The following KYNU variants were observed in gnomAD, a reference collection of about 807,000 sequenced individuals.
KYNU encodes kynureninase.
A neutral mutation model predicts 59.2 loss-of-function variants in KYNU; 54 were observed. The ratio of observed to expected loss-of-function variants is 0.91; its 90% CI spans 0.73 to 1.14. The LOEUF is 1.14. KYNU is among the 50% of genes most tolerant of loss of function. The pLI is 0.00. For missense variants in KYNU, 567 were observed against 554.4 expected (o/e 1.02, Z -0.23); for synonymous variants, 177 against 192.0 (o/e 0.92, Z 0.65).
Position 142,927,731 on chromosome 2 carries a change from G to C in KYNU, c.363G>C (p.Lys121Asn). ...TGDESIVGLM[K>N]DIVGANEKEI... ...ATGAGAGTATTGTAGGCCTTATGAA[G>C]GACATTGTAGGTAAGTACAAAACAC... The change falls in exon 4 of 14, where the codon AAG (lysine) becomes AAC (asparagine). Residue 121 changes from lysine (K) to asparagine (N), a missense_variant. Transcript: ENST00000264170. 3 of 1,607,872 alleles carry C rather than the reference G, an allele frequency of 1.9e-6. No homozygotes were observed. Among genetic ancestry groups the C allele is most frequent in the Non-Finnish European group, 2.6e-6 (3 of 1,174,552 alleles).
intron 2 of KYNU, among the ~76,000 whole-genome samples, chr2:142,912,990 C>T (rs1682546782): frequency 6.6e-6 from 1 of 152,158 alleles, no homozygotes; most frequent in Non-Finnish European, 1.5e-5. Context: ...GGATTACAGG[C>T]TGGAGCCACC....
rs1687143546 is a variant in KYNU at position 143,044,980 on chromosome 2, T to C, written c.*2808T>C. On this transcript the variant is annotated 3_prime_UTR_variant, in exon 14 of 14. Coordinates refer to ENST00000264170, the MANE Select transcript of KYNU (RefSeq NM_003937.3). ...TTTGGCTTTAGGTCTTGCAGTTAAGTCTTTAATCTATCTTGAGTTAATTTT... is the reference window on the plus strand; with the variant it reads ...TTTGGCTTTAGGTCTTGCAGTTAAGCCTTTAATCTATCTTGAGTTAATTTT... The C allele has an allele frequency of 1.3e-5, 2 of 151,946 alleles. No homozygotes were observed. Among genetic ancestry groups the C allele is most frequent in the Admixed American group, 6.6e-5 (1 of 15,248 alleles). The allele number at this position is 151,946 out of a possible 1,614,324, so 9.4% of individuals were successfully genotyped here. A position where few individuals can be genotyped will look rare whatever the true frequency, so the allele number is the denominator to read the frequency against.
At chr2:142,977,123 T>C (rs558872298) in intron 8 of KYNU, among the ~76,000 whole-genome samples, 129 of 152,144 alleles carry the variant, frequency 8.5e-4, no homozygotes, top group African/African-American at 3.0e-3. Flanking sequence ...CATAATGAAG[T>C]ATGTCCATCC....
At chr2:142,964,366 A>G (rs1684460379) in intron 8 of KYNU, among the ~76,000 whole-genome samples, 1 of 152,136 alleles carries the variant, frequency 6.6e-6, no homozygotes, top group Non-Finnish European at 1.5e-5. Context: ...CTAATCAATA[A>G]TGCCAATCCT....
At chr2:142,900,912 G>A (rs1169352524) in intron 2 of KYNU, among the ~76,000 whole-genome samples, 1 of 152,164 alleles carries the variant, frequency 6.6e-6, no homozygotes, top group Non-Finnish European at 1.5e-5. Context: ...AGAACAATTT[G>A]TAGTTTTATA....
At chr2:142,970,966 C>CA (rs1295881915) in intron 8 of KYNU, among the ~76,000 whole-genome samples, 1 of 152,140 alleles carries the variant, frequency 6.6e-6, no homozygotes, top group East Asian at 1.9e-4. Context: ...TATTCCCAGT[C>CA]AACCATTACT....
intron 10 of KYNU, among the ~76,000 whole-genome samples, chr2:143,006,714 C>G (rs1558971564): frequency 6.6e-6 from 1 of 151,652 alleles, no homozygotes; most frequent in Admixed American, 6.6e-5. Flanking sequence ...GATCTGAGAA[C>G]TGGCAGACTG....
chr2:142,959,897 TA>T (rs1427840687), intron 7 of KYNU, among the ~76,000 whole-genome samples: 4 of 151,922 alleles, frequency 2.6e-5, no homozygotes, highest in African/African-American at 9.7e-5. Flanking sequence ...AAAAGATGTG[TA>T]AGTGTTATGT....
chr2:143,054,584 A>G lies in KYNU; in HGVS notation c.*12412A>G, dbSNP rs192302901. On this transcript the variant is annotated 3_prime_UTR_variant, in exon 14 of 14. Coordinates refer to ENST00000264170, the MANE Select transcript of KYNU (RefSeq NM_003937.3). Reference sequence around the variant, plus strand: ...GGAACAACATGTAATTATGTGCTCAATGTGATGAATATGAAGTAGACTGCA... The same window carrying G: ...GGAACAACATGTAATTATGTGCTCAGTGTGATGAATATGAAGTAGACTGCA... The G allele has an allele frequency of 1.3e-5, 2 of 152,346 alleles. No individual in the cohort carries two copies. The highest frequency in any genetic ancestry group is 4.8e-5 in the African/African-American group (2 of 41,572). The allele number at this position is 152,346 out of a possible 1,614,324, so 9.4% of individuals were successfully genotyped here.
Position 143,011,375 on chromosome 2 carries a change from A to G in KYNU, c.903-18252A>G, listed in dbSNP as rs1686092172. ...AAACCACAATGAGATACCATCTCAC[A>G]CCAGTTAGAATGGCGATCATTAAAA... On this transcript the variant is annotated intron_variant, in intron 10 of 13. Transcript: ENST00000264170. Among the ~76,000 whole-genome samples, 3 of 129,244 alleles carry G rather than the reference A, an allele frequency of 2.3e-5. No individual in the cohort carries two copies. The South Asian group carries it at 8.3e-4, about 36-fold the overall frequency. 84.8% of individuals were successfully genotyped at this position (129,244 alleles called of 152,430 possible). A position where few individuals can be genotyped will look rare whatever the true frequency, so the allele number is the denominator to read the frequency against.
intron 8 of KYNU, among the ~76,000 whole-genome samples, chr2:142,972,813 T>TATATATATATATATATAG (rs1478067181): frequency 8.1e-6 from 1 of 124,202 alleles, no homozygotes; most frequent in African/African-American, 3.1e-5. Flanking sequence ...TATATATATA[T>TATATATATATATATATAG]AGAGAGAGAG....
intron 2 of KYNU, among the ~76,000 whole-genome samples, chr2:142,905,035 T>C (rs911045825): frequency 1.3e-5 from 2 of 152,176 alleles, no homozygotes; most frequent in Non-Finnish European, 2.9e-5. Flanking sequence ...AAACAACAGT[T>C]CTTATGCAAA....
At position 142,956,219 on chromosome 2, in the gene KYNU, C is replaced by T; in HGVS notation, c.452C>T (p.Pro151Leu). The T allele has an allele frequency of 6.3e-7, 1 of 1,595,900 alleles. No homozygotes were observed. Among genetic ancestry groups the T allele is most frequent in the Non-Finnish European group, 8.6e-7 (1 of 1,164,332 alleles). ...LHLLMLSFFK[P>L]TPKRYKILLE... ...TTATTGCAGTTATCATTTTTTAAGC[C>T]TACGCCAAAACGATATAAAATTCTT... The change falls in exon 6 of 14, where the codon CCT becomes CTT. Residue 151 changes from proline (P) to leucine (L), a missense_variant. By Grantham distance (98) the Pro-to-Leu change is moderately conservative. Transcript: ENST00000264170.
intron 3 of KYNU, 63 bp from the exon 4 acceptor site, chr2:142,927,596 T>C (rs972601998): frequency 4.3e-6 from 5 of 1,174,006 alleles, no homozygotes; most frequent in Admixed American, 3.4e-5. Context: ...AAGCTGATAT[T>C]TGAAATAATC....
intron 4 of KYNU, among the ~76,000 whole-genome samples, chr2:142,951,149 C>G (rs1040605700): frequency 6.6e-6 from 1 of 152,152 alleles, no homozygotes; most frequent in Non-Finnish European, 1.5e-5. Flanking sequence ...CAAGAATTAT[C>G]AAAATGTGAT....
rs115723761 is a variant in KYNU, at chr2:143,026,523, C to G, written c.903-3104C>G. Among the ~76,000 whole-genome samples, 1,074 of 152,328 alleles carry G rather than the reference C, an allele frequency of 7.1e-3. 11 individuals carry two copies. Among genetic ancestry groups the G allele is most frequent in the African/African-American group, 0.025 (1,019 of 41,574 alleles). On this transcript the variant is annotated intron_variant, in intron 10 of 13. Transcript: ENST00000264170. Reference sequence around the variant, plus strand: ...AATGAGTGCTGGAATCGGCTGGCCACTTGGCGCTGGTAGGACCCAACCCCA... The same window carrying G: ...AATGAGTGCTGGAATCGGCTGGCCAGTTGGCGCTGGTAGGACCCAACCCCA...
intron 4 of KYNU, among the ~76,000 whole-genome samples, chr2:142,951,827 G>A (rs957543012): frequency 1.3e-5 from 2 of 152,228 alleles, no homozygotes; most frequent in African/African-American, 4.8e-5. Flanking sequence ...GTTTGTATAT[G>A]TGTACAGAAA....
At chr2:142,881,883 G>C (rs1039036212) in intron 1 of KYNU, among the ~76,000 whole-genome samples, 6 of 150,728 alleles carry the variant, frequency 4.0e-5, no homozygotes, top group African/African-American at 1.5e-4. Context: ...GTGCATGCCA[G>C]TGCCAGCACA....
intron 3 of KYNU, among the ~76,000 whole-genome samples, chr2:142,925,388 A>G (rs1219518647): frequency 6.6e-6 from 1 of 152,200 alleles, no homozygotes; most frequent in Non-Finnish European, 1.5e-5. Context: ...CTTAGTTTAT[A>G]TGGTAATAGA....
Sources: allele counts gnomAD v4.1 joint callset (sites outside exome capture counted in the v4.1 genomes callset), GRCh38; gene constraint gnomAD v4.1.1; transcripts MANE v1.5; gene names NCBI Gene and HGNC (gene_info 2026-07-23, HGNC 2026-07-21).